The following NALF1 variants were observed in gnomAD, a reference collection of about 807,000 sequenced individuals.
The protein encoded by NALF1 is NALCN channel auxiliary factor 1, also known as family with sequence similarity 155 member A.
A neutral mutation model predicts 48.4 loss-of-function variants in NALF1; 3 were observed. That is an observed-to-expected ratio of 0.06 (90% CI 0.03 to 0.16). The LOEUF (loss-of-function observed/expected upper bound fraction) is 0.16, where lower values mean the gene tolerates loss of function less well. NALF1 is among the 10% of genes least tolerant of loss of function. The pLI is 1.00. For synonymous variants in NALF1, 262 were observed against 245.7 expected, an observed-to-expected ratio of 1.07 and a Z score of -0.62; for missense variants, 526 against 571.5, an observed-to-expected ratio of 0.92 and a Z score of 0.81.
At chr13:107,363,225 T>C (rs1041756046) in intron 1 of NALF1, among the ~76,000 whole-genome samples, 9 of 152,200 alleles carry the variant, frequency 5.9e-5, no homozygotes, top group South Asian at 2.1e-4. Flanking sequence ...AAGAATTGCA[T>C]ACAATCTTAT....
At chr13:107,207,437 A>G (rs1344995259) in intron 2 of NALF1, among the ~76,000 whole-genome samples, 1 of 152,218 alleles carries the variant, frequency 6.6e-6, no homozygotes, top group Non-Finnish European at 1.5e-5. Context: ...GGAACAAATT[A>G]TATGCACATA....
chr13:107,534,731 C>G (rs1594115418), intron 1 of NALF1, among the ~76,000 whole-genome samples: 1 of 152,144 alleles, frequency 6.6e-6, no homozygotes, highest in African/African-American at 2.4e-5. Flanking sequence ...GTATTTCAGA[C>G]AAAACACTAA....
At chr13:107,369,054 C>CA (rs201606606) in intron 1 of NALF1, among the ~76,000 whole-genome samples, 3,124 of 152,320 alleles carry the variant, frequency 0.021, 35 homozygotes, top group Non-Finnish European at 0.03. Flanking sequence ...CATTGTGTGT[C>CA]AAAAATTCCC....
At chr13:107,348,792 T>G (rs1882819783) in intron 1 of NALF1, among the ~76,000 whole-genome samples, 1 of 152,212 alleles carries the variant, frequency 6.6e-6, no homozygotes, top group Non-Finnish European at 1.5e-5. Flanking sequence ...TGTAGTATAG[T>G]TTTATATCAC....
At chr13:107,319,309 T>C (rs1017513924) in intron 1 of NALF1, among the ~76,000 whole-genome samples, 1 of 151,982 alleles carries the variant, frequency 6.6e-6, no homozygotes, top group Non-Finnish European at 1.5e-5. Flanking sequence ...TATTAATATA[T>C]TGGAAGATCA....
chr13:107,769,061 GAGA>G (rs1877499039), intron 1 of NALF1, among the ~76,000 whole-genome samples: 1 of 150,204 alleles, frequency 6.7e-6, no homozygotes, highest in Non-Finnish European at 1.5e-5. Context: ...AGAGGATGTG[GAGA>G]AATAGGAACA....
chr13:107,833,877 GT>G (rs61540815), intron 1 of NALF1, among the ~76,000 whole-genome samples: 1 of 151,608 alleles, frequency 6.6e-6, no homozygotes, highest in African/African-American at 2.4e-5. Context: ...CCTTAAAGCT[GT>G]TTTTTTAATT....
chr13:107,654,260 T>C (rs1419100318), intron 1 of NALF1, among the ~76,000 whole-genome samples: 1 of 152,286 alleles, frequency 6.6e-6, no homozygotes, highest in East Asian at 1.9e-4. Context: ...AACACCTTTA[T>C]GTGCATAAGC....
chr13:107,733,111 G>A (rs980045701), intron 1 of NALF1, among the ~76,000 whole-genome samples: 1 of 151,030 alleles, frequency 6.6e-6, no homozygotes, highest in Non-Finnish European at 1.5e-5. Context: ...TAAATATATC[G>A]GACATTTCTT....
Position 107,636,883 on chromosome 13 carries a change from T to TTA in NALF1, c.915+228797_915+228798dup, listed in dbSNP as rs1225127412. ...TCTTATGAGACTATGCTAATCTATA[T>TTA]TATATATATTATATTATATTATATT... On this transcript the variant is annotated intron_variant, in intron 1 of 2. Transcript: ENST00000375915. Among the ~76,000 whole-genome samples, 3 of 132,682 alleles carry TTA rather than the reference T, an allele frequency of 2.3e-5. No homozygotes were observed. The Admixed American group carries it at 2.5e-4, about 11-fold the overall frequency. The allele number at this position is 132,682 out of a possible 152,430, so 87.0% of individuals were successfully genotyped here.
chr13:107,544,075 A>T (rs1382605296), intron 1 of NALF1, among the ~76,000 whole-genome samples: 1 of 152,200 alleles, frequency 6.6e-6, no homozygotes, highest in Non-Finnish European at 1.5e-5. Context: ...ACTCAAACAT[A>T]TCAGAAGGCA....
intron 1 of NALF1, among the ~76,000 whole-genome samples, chr13:107,558,117 C>A (rs1159683188): frequency 1.3e-5 from 2 of 150,114 alleles, no homozygotes; most frequent in African/African-American, 4.9e-5. Context: ...CCCTGAGAAT[C>A]TTCCAAGAAA....
At chr13:107,509,064 T>C (rs1451650639) in intron 1 of NALF1, among the ~76,000 whole-genome samples, 1 of 152,158 alleles carries the variant, frequency 6.6e-6, no homozygotes, top group Non-Finnish European at 1.5e-5. Flanking sequence ...GATGTATATA[T>C]GCCTGTTTAA....
intron 1 of NALF1, among the ~76,000 whole-genome samples, chr13:107,751,757 C>A (rs1876942804): frequency 6.6e-6 from 1 of 152,090 alleles, no homozygotes; most frequent in Non-Finnish European, 1.5e-5. Context: ...CATTCTGTAA[C>A]CGACTGCTTA....
At chr13:107,373,662 A>G (rs1883286891) in intron 1 of NALF1, among the ~76,000 whole-genome samples, 1 of 152,206 alleles carries the variant, frequency 6.6e-6, no homozygotes, top group Admixed American at 6.5e-5. Flanking sequence ...CGCCTTTCTA[A>G]GCATCAACCT....
At chr13:107,310,673 T>A (rs1386412465) in intron 1 of NALF1, among the ~76,000 whole-genome samples, 1 of 151,178 alleles carries the variant, frequency 6.6e-6, no homozygotes, top group Admixed American at 6.6e-5. Context: ...TACAATTATT[T>A]ATTATTATTA....
In NALF1 at chr13:107,819,361, T is replaced by C. The variant is rs144799499; in HGVS notation, c.915+46321A>G. 1.3e-3 allele frequency among the ~76,000 whole-genome samples: 200 copies of C among 152,290 alleles called. 2 individuals carry two copies. The highest frequency in any genetic ancestry group is 4.3e-3 in the African/African-American group (179 of 41,564). On this transcript the variant is annotated intron_variant, in intron 1 of 2. Coordinates refer to ENST00000375915, the MANE Select transcript of NALF1 (RefSeq NM_001080396.3). ...AGCAAATTAATGATTACATGACTAG[T>C]TCTAATTCGTCAGATTCTGCCTCAG... is the stretch of plus-strand genomic sequence containing the variant.
chr13:107,464,989 A>AT (rs967894725), intron 1 of NALF1, among the ~76,000 whole-genome samples: 15 of 150,932 alleles, frequency 9.9e-5, no homozygotes, highest in African/African-American at 3.0e-4. Flanking sequence ...TCATTTATTC[A>AT]TTTTTTTTCA....
At chr13:107,349,955 A>T (rs891544463) in intron 1 of NALF1, among the ~76,000 whole-genome samples, 38 of 152,056 alleles carry the variant, frequency 2.5e-4, no homozygotes, top group African/African-American at 9.2e-4. Context: ...TTTGGAATGA[A>T]ACTGTCTCAC....
Sources: allele counts gnomAD v4.1 joint callset (sites outside exome capture counted in the v4.1 genomes callset), GRCh38; gene constraint gnomAD v4.1.1; transcripts MANE v1.5; gene names NCBI Gene and HGNC (gene_info 2026-07-23, HGNC 2026-07-21).